Variants in MAPKAP1 observed in about 807,000 individuals in gnomAD.
MAPKAP1 encodes the protein target of rapamycin complex 2 subunit MAPKAP1.
Under a neutral mutation model 65.7 loss-of-function variants are expected in MAPKAP1, and 20 were observed. That is an observed-to-expected ratio of 0.30 (90% CI 0.21 to 0.44). The LOEUF (loss-of-function observed/expected upper bound fraction) is 0.44. Among genes scored for constraint, MAPKAP1 ranks in the 20% least tolerant of loss-of-function variants. MAPKAP1 has a pLI of 1.00. For missense variants in MAPKAP1, 423 were observed against 648.0 expected, an observed-to-expected ratio of 0.65 and a Z score of 3.77; for synonymous variants, 222 against 244.3, an observed-to-expected ratio of 0.91 and a Z score of 0.85.
intron 4 of MAPKAP1, among the ~76,000 whole-genome samples, chr9:125,640,584 C>T (rs921923403): frequency 6.6e-6 from 1 of 152,144 alleles, no homozygotes; most frequent in Non-Finnish European, 1.5e-5. Context: ...ACACTTAAGT[C>T]TCCAAATATT....
At chr9:125,493,753 T>C (rs1230385456) in intron 8 of MAPKAP1, among the ~76,000 whole-genome samples, 2 of 152,226 alleles carry the variant, frequency 1.3e-5, no homozygotes, top group African/African-American at 4.8e-5. Flanking sequence ...ATGCTCAGCA[T>C]TTTAAAGACG....
In MAPKAP1 at chr9:125,546,868, GCTC is replaced by G. The variant is rs1389985554; in HGVS notation, c.849-3703_849-3701del. On this transcript the variant is annotated intron_variant, in intron 6 of 11. Transcript: ENST00000265960. The stretch of plus-strand genomic sequence containing the variant: ...GACTCAAAGTCTCGGCTCAGAAACC[GCTC>G]CTCCTCCTGCTCGCCTCAGGGACAG... Among the ~76,000 whole-genome samples, 9 of 152,132 alleles carry G rather than the reference GCTC, an allele frequency of 5.9e-5. No individual in the cohort carries two copies. The East Asian group carries it at 1.7e-3, about 30-fold the overall frequency.
intron 8 of MAPKAP1, among the ~76,000 whole-genome samples, chr9:125,486,552 C>T (rs952189104): frequency 6.6e-6 from 1 of 152,216 alleles, no homozygotes; most frequent in Non-Finnish European, 1.5e-5. Flanking sequence ...CCCACAGTTA[C>T]TGCTTACGGG....
At chr9:125,526,091 A>G (rs1589258060) in intron 7 of MAPKAP1, among the ~76,000 whole-genome samples, 1 of 152,334 alleles carries the variant, frequency 6.6e-6, no homozygotes, top group African/African-American at 2.4e-5. Flanking sequence ...GCAGTGGTGC[A>G]GCAGCCACTG....
At chr9:125,628,265 G>C (rs1296436029) in intron 4 of MAPKAP1, among the ~76,000 whole-genome samples, 18 of 152,146 alleles carry the variant, frequency 1.2e-4, no homozygotes, top group Non-Finnish European at 2.9e-5. Flanking sequence ...CAACCCACAA[G>C]ATATGACAGA....
chr9:125,590,033 C>T (rs1284371113), intron 4 of MAPKAP1, among the ~76,000 whole-genome samples: 1 of 152,206 alleles, frequency 6.6e-6, no homozygotes, highest in Non-Finnish European at 1.5e-5. Flanking sequence ...TGATAGCCCT[C>T]ATATTACCCT....
chr9:125,697,982 G>A (rs1259267524), intron 1 of MAPKAP1, among the ~76,000 whole-genome samples: 11 of 151,062 alleles, frequency 7.3e-5, no homozygotes, highest in Non-Finnish European at 1.6e-4. Context: ...AAGGCAAAGG[G>A]CCATAATTAA....
intron 7 of MAPKAP1, 108 bp downstream of exon 7, chr9:125,542,951 A>G: frequency 1.2e-6 from 1 of 837,158 alleles, no homozygotes; most frequent in South Asian, 1.3e-5. Context: ...ACCTTCTAGC[A>G]ATGACATCTG....
rs115179759 is a variant in MAPKAP1 at position 125,467,499 on chromosome 9, G to A, written c.1345+473C>T. On this transcript the variant is annotated intron_variant, in intron 10 of 11. Transcript: ENST00000265960. The stretch of plus-strand genomic sequence containing the variant: ...GTCATGCAGCTGCCAATAATCTAGG[G>A]GGTGCTGACACTTCCGGCATGATGG... Among the ~76,000 whole-genome samples, 763 of 152,296 alleles carry A rather than the reference G, an allele frequency of 5.0e-3. 5 individuals are homozygous for A. The highest frequency in any genetic ancestry group is 0.017 in the African/African-American group (722 of 41,544).
chr9:125,669,800 A>C lies in MAPKAP1; in HGVS notation c.349+18T>G, dbSNP rs754676316. ...ATATATAAATCTCAAATTAAGAATT[A>C]AAATCATTTCCATTTACCTGATTGC... On this transcript the variant is annotated intron_variant, in intron 3 of 11. Coordinates refer to ENST00000265960, the MANE Select transcript of MAPKAP1 (RefSeq NM_001006617.3). 7.7e-7 allele frequency: 1 copy of C among 1,300,572 alleles called. No homozygotes were observed. Among genetic ancestry groups the C allele is most frequent in the Non-Finnish European group, 1.1e-6 (1 of 923,202 alleles). 80.6% of individuals were successfully genotyped at this position (1,300,572 alleles called of 1,614,324 possible). A position where few individuals can be genotyped will look rare whatever the true frequency, so the allele number is the denominator to read the frequency against.
intron 8 of MAPKAP1, among the ~76,000 whole-genome samples, chr9:125,497,207 A>C (rs1314840033): frequency 6.6e-6 from 1 of 152,134 alleles, no homozygotes; most frequent in Non-Finnish European, 1.5e-5. Context: ...ATGACTACCC[A>C]CCTGGTGAGT....
chr9:125,566,561 T>TGAAAAAGAAAAA lies in MAPKAP1; in HGVS notation c.672-6764_672-6753dup, dbSNP rs72228008. Among the ~76,000 whole-genome samples the TGAAAAAGAAAAA allele has an allele frequency of 2.9e-3, 429 of 147,788 alleles. 2 individuals are homozygous for TGAAAAAGAAAAA. The highest frequency in any genetic ancestry group is 0.01 in the African/African-American group (417 of 39,942). On this transcript the variant is annotated intron_variant, in intron 5 of 11. Coordinates refer to ENST00000265960, the MANE Select transcript of MAPKAP1 (RefSeq NM_001006617.3). The stretch of plus-strand genomic sequence containing the variant: ...TGGGCAACAGAGTGAGACACTGTCT[T>TGAAAAAGAAAAA]GAAAAAGAAAAAGAAAAAGAAAAAG...
At chr9:125,556,065 G>GT (rs1830726303) in intron 6 of MAPKAP1, among the ~76,000 whole-genome samples, 1 of 152,204 alleles carries the variant, frequency 6.6e-6, no homozygotes, top group East Asian at 1.9e-4. Context: ...TTTATTAATA[G>GT]TAACAATAAC....
At chr9:125,482,148 A>AAAAGAAG (rs60516268) in intron 9 of MAPKAP1, among the ~76,000 whole-genome samples, 28,923 of 115,810 alleles carry the variant, frequency 0.25, 4,678 homozygotes, top group Non-Finnish European at 0.35. Flanking sequence ...AAAAAAAAAA[A>AAAAGAAG]AAGAAGAAGA....
chr9:125,477,530 T>C (rs563515783), intron 9 of MAPKAP1, among the ~76,000 whole-genome samples: 1 of 152,216 alleles, frequency 6.6e-6, no homozygotes, highest in Admixed American at 6.5e-5. Context: ...CTCTGATATA[T>C]GTTCAGGGTC....
intron 1 of MAPKAP1, among the ~76,000 whole-genome samples, chr9:125,680,086 A>T (rs903519451): frequency 7.0e-6 from 1 of 141,888 alleles, no homozygotes; most frequent in East Asian, 2.1e-4. Flanking sequence ...CAGATGCGAG[A>T]TTTTTTTTTT....
At chr9:125,640,442 G>A (rs1450729961) in intron 4 of MAPKAP1, among the ~76,000 whole-genome samples, 1 of 151,848 alleles carries the variant, frequency 6.6e-6, no homozygotes, top group Non-Finnish European at 1.5e-5. Context: ...GCTCCTTGAG[G>A]GACAGGGATT....
chr9:125,546,146 AAAC>A (rs1466785941), intron 6 of MAPKAP1, among the ~76,000 whole-genome samples: 2 of 152,166 alleles, frequency 1.3e-5, no homozygotes, highest in East Asian at 3.8e-4. Flanking sequence ...AGGAAAATGA[AAAC>A]AACAGCGAAG....
chr9:125,612,436 G>C (rs187944976), intron 4 of MAPKAP1, among the ~76,000 whole-genome samples: 1 of 152,040 alleles, frequency 6.6e-6, no homozygotes, highest in East Asian at 1.9e-4. Context: ...TTTTATGTTA[G>C]CTCTTTAATG....
Sources: allele counts gnomAD v4.1 joint callset (sites outside exome capture counted in the v4.1 genomes callset), GRCh38; gene constraint gnomAD v4.1.1; transcripts MANE v1.5; gene names NCBI Gene and HGNC (gene_info 2026-07-23, HGNC 2026-07-21).